EPB41L2: variants seen among roughly 807,000 people sequenced by gnomAD.
EPB41L2 encodes the protein band 4.1-like protein 2.
A neutral mutation model predicts 113.0 loss-of-function variants in EPB41L2; 43 were observed. The ratio of observed to expected loss-of-function variants is 0.38; its 90% CI spans 0.30 to 0.49. The LOEUF (loss-of-function observed/expected upper bound fraction) is 0.49. EPB41L2 is among the 20% of genes least tolerant of loss of function. EPB41L2 has a pLI of 0.95. For missense variants in EPB41L2, 1,147 were observed against 1,223.4 expected, an observed-to-expected ratio of 0.94 and a Z score of 0.93; for synonymous variants, 442 against 436.7, an observed-to-expected ratio of 1.01 and a Z score of -0.15.
chr6:131,040,221 T>A (rs1794175160), intron 1 of EPB41L2, among the ~76,000 whole-genome samples: 1 of 152,164 alleles, frequency 6.6e-6, no homozygotes, highest in Admixed American at 6.5e-5. Context: ...GCAGATCACC[T>A]GAGGCCAGGG....
At chr6:130,947,450 A>C (rs995821144) in intron 3 of EPB41L2, among the ~76,000 whole-genome samples, 1 of 152,226 alleles carries the variant, frequency 6.6e-6, no homozygotes, top group African/African-American at 2.4e-5. Context: ...GAAATACAAT[A>C]TTTGCTGAGA....
At chr6:130,858,086 C>T (rs1409362653) in intron 19 of EPB41L2, 45 bp downstream of exon 19, 2 of 1,400,466 alleles carry the variant, frequency 1.4e-6, no homozygotes, top group Non-Finnish European at 2.0e-6. Flanking sequence ...TTCAGGAGTA[C>T]AGAGCAGTCA....
chr6:130,865,847 T>C (rs1225861794), intron 16 of EPB41L2: 3 of 527,792 alleles, frequency 5.7e-6, no homozygotes, highest in Non-Finnish European at 1.0e-5. Context: ...ACTGTGTGAG[T>C]GGAGAAAAGA....
intron 4 of EPB41L2, among the ~76,000 whole-genome samples, chr6:130,915,902 T>C (rs140235662): frequency 3.4e-4 from 52 of 152,294 alleles, no homozygotes; most frequent in African/African-American, 1.2e-3. Context: ...TCCCCAGCCA[T>C]GTGGAATTGT....
chr6:130,892,634 T>C (rs1793345806), intron 10 of EPB41L2, among the ~76,000 whole-genome samples: 1 of 144,708 alleles, frequency 6.9e-6, no homozygotes, highest in Non-Finnish European at 1.5e-5. Flanking sequence ...TCCTCAAAAA[T>C]TAACATATTA....
chr6:130,945,965 C>T (rs953265462), intron 3 of EPB41L2, among the ~76,000 whole-genome samples: 5 of 152,108 alleles, frequency 3.3e-5, no homozygotes, highest in Admixed American at 3.3e-4. Context: ...AAATTCTCTA[C>T]AATTTAACTC....
intron 1 of EPB41L2, among the ~76,000 whole-genome samples, chr6:131,048,025 GC>G (rs1463802534): frequency 2.8e-5 from 4 of 142,610 alleles, no homozygotes; most frequent in African/African-American, 1.1e-4. Context: ...TGTAATCCCA[GC>G]TACTCAGGAG....
chr6:131,039,057 C>T (rs534780035), intron 1 of EPB41L2, among the ~76,000 whole-genome samples: 10 of 152,206 alleles, frequency 6.6e-5, no homozygotes, highest in South Asian at 6.2e-4. Flanking sequence ...CATTAGAAAA[C>T]GGTTCTTCAC....
chr6:130,901,111 A>C lies in EPB41L2; in HGVS notation c.999T>G (p.His333Gln), dbSNP rs753954058. 6.2e-7 allele frequency: 1 copy of C among 1,614,112 alleles called. No homozygotes were observed. The highest frequency in any genetic ancestry group is 2.2e-5 in the East Asian group (1 of 44,866). Residue 333 changes from histidine (H) to glutamine (Q), a missense_variant, in exon 7 of 20, where the codon CAT becomes CAG. Physicochemically the swap from His to Gln is conservative, Grantham distance 24 (BLOSUM62 0). Transcript: ENST00000337057. ...GCAGGGTGTAGGATCCCAGGAGAGCATGAGTCACAAAAGAGCAGGGCAGGC... is the reference window on the plus strand; with the variant it reads ...GCAGGGTGTAGGATCCCAGGAGAGCCTGAGTCACAAAAGAGCAGGGCAGGC... Reference protein sequence around the residue: ...SGRLPCSFVTHALLGSYTLQA... With the variant: ...SGRLPCSFVTQALLGSYTLQA...
chr6:130,880,695 C>A (rs1789041354), intron 12 of EPB41L2: 1 of 409,138 alleles, frequency 2.4e-6, no homozygotes, highest in Non-Finnish European at 4.3e-6. Context: ...TGATCCTTTG[C>A]AAAGGTGGAA....
chr6:130,843,027 A>AG (rs397767693), intron 19 of EPB41L2, among the ~76,000 whole-genome samples: 1 of 9,670 alleles, frequency 1.0e-4, no homozygotes, highest in Non-Finnish European at 1.5e-4. Context: ...ACTCTGAGTT[A>AG]TTAGATATTG....
At chr6:130,934,207 G>T (rs1807957696) in intron 3 of EPB41L2, among the ~76,000 whole-genome samples, 1 of 152,104 alleles carries the variant, frequency 6.6e-6, no homozygotes, top group South Asian at 2.1e-4. Flanking sequence ...TAAGGGAGCT[G>T]TCAACACATC....
intron 19 of EPB41L2, among the ~76,000 whole-genome samples, chr6:130,848,873 C>A (rs377724724): frequency 9.9e-5 from 15 of 152,192 alleles, no homozygotes; most frequent in African/African-American, 3.6e-4. Context: ...CTATACTTAG[C>A]ACAGGTGACC....
intron 10 of EPB41L2, among the ~76,000 whole-genome samples, chr6:130,891,474 A>T (rs1345241063): frequency 6.8e-6 from 1 of 148,060 alleles, no homozygotes; most frequent in South Asian, 2.1e-4. Context: ...TTTGAGAAGG[A>T]GTCTCGCTCT....
intron 14 of EPB41L2, among the ~76,000 whole-genome samples, chr6:130,875,799 C>T (rs555119304): frequency 6.6e-6 from 1 of 152,078 alleles, no homozygotes; most frequent in South Asian, 2.1e-4. Context: ...GAGTCAAGAC[C>T]AGTCTGGTCA....
chr6:130,926,765 T>C (rs1223121157), intron 3 of EPB41L2, 56 bp from the exon 4 acceptor site: 56 of 1,058,818 alleles, frequency 5.3e-5, no homozygotes, highest in Non-Finnish European at 7.5e-5. Flanking sequence ...AAGACTGCTA[T>C]AAATTTAAGA....
intron 8 of EPB41L2, among the ~76,000 whole-genome samples, chr6:130,899,259 G>A (rs1024891453): frequency 6.6e-6 from 1 of 151,972 alleles, no homozygotes; most frequent in African/African-American, 2.4e-5. Context: ...AAGTACCTAT[G>A]AAAGGGCATT....
chr6:130,926,547 G>T (rs1804802218), intron 4 of EPB41L2, 58 bp downstream of exon 4: 1 of 1,239,964 alleles, frequency 8.1e-7, no homozygotes, highest in Admixed American at 2.2e-5. Flanking sequence ...AGATAAACTG[G>T]TTAATAAAAA....
intron 1 of EPB41L2, among the ~76,000 whole-genome samples, chr6:130,995,290 G>C (rs186986626): frequency 2.0e-5 from 3 of 152,160 alleles, no homozygotes; most frequent in East Asian, 1.9e-4. Flanking sequence ...AGCCGAGATC[G>C]CACCACAGCA....
Sources: gnomAD v4.1 joint callset for allele counts (sites outside exome capture counted in the v4.1 genomes callset) on GRCh38, gnomAD v4.1.1 for gene constraint, MANE v1.5 for transcripts, NCBI Gene and HGNC (gene_info 2026-07-23, HGNC 2026-07-21) for gene names.